PITPNM2: variants seen among roughly 807,000 people sequenced by gnomAD.
The protein encoded by PITPNM2 is membrane-associated phosphatidylinositol transfer protein 2.
Under a neutral mutation model 132.2 loss-of-function variants are expected in PITPNM2, and 35 were observed. That is an observed-to-expected ratio of 0.26 (90% CI 0.20 to 0.35). PITPNM2 has a LOEUF of 0.35. Among genes scored for constraint, PITPNM2 ranks in the 10% least tolerant of loss-of-function variants. PITPNM2 has a pLI of 1.00. For missense variants in PITPNM2, 1,332 were observed against 1,912.0 expected (o/e 0.70, Z 5.66); for synonymous variants, 738 against 799.2 (o/e 0.92, Z 1.29).
intron 18 of PITPNM2, among the ~76,000 whole-genome samples, chr12:122,989,311 C>G (rs1373136961): frequency 1.3e-5 from 2 of 152,216 alleles, no homozygotes; most frequent in Admixed American, 1.3e-4. Context: ...AAGGGTGCTG[C>G]CCTTCTCGCA....
At chr12:123,047,098 A>G (rs926964637) in intron 2 of PITPNM2, among the ~76,000 whole-genome samples, 5 of 152,194 alleles carry the variant, frequency 3.3e-5, no homozygotes, top group African/African-American at 1.2e-4. Context: ...CCATTTTTGG[A>G]AGAAATGAAA....
chr12:123,070,558 T>G (rs573513844), intron 2 of PITPNM2, among the ~76,000 whole-genome samples: 126 of 152,278 alleles, frequency 8.3e-4, no homozygotes, highest in African/African-American at 2.6e-3. Flanking sequence ...ACGCTGAGTC[T>G]GGGAAGCAGG....
intron 2 of PITPNM2, among the ~76,000 whole-genome samples, chr12:123,079,012 A>G (rs1439089640): frequency 1.3e-5 from 2 of 152,196 alleles, no homozygotes; most frequent in Admixed American, 6.5e-5. Flanking sequence ...TATTACAGAC[A>G]GAGATGATAC....
rs370984328 is a variant in PITPNM2, at chr12:122,994,755, G to A, written c.2233+46C>T. The A allele has an allele frequency of 1.7e-5, 25 of 1,506,514 alleles. No individual in the cohort carries two copies. The highest frequency in any genetic ancestry group is 4.1e-5 in the African/African-American group (3 of 72,632). The allele number at this position is 1,506,514 out of a possible 1,614,324, so 93.3% of individuals were successfully genotyped here. On this transcript the variant is annotated intron_variant, in intron 15 of 25. Coordinates refer to ENST00000320201, the MANE Select transcript of PITPNM2 (RefSeq NM_020845.3). The surrounding 1 kb of genome is among the most constrained non-coding windows in gnomAD (Gnocchi z 5.4). ...GGGGTCCACTGAGACCCCCGCCCCC[G>A]CACCCAGTGCATGTACCCCCCATCC... is the stretch of plus-strand genomic sequence containing the variant.
At chr12:123,029,339 A>G (rs969648135) in intron 3 of PITPNM2, among the ~76,000 whole-genome samples, 2 of 152,242 alleles carry the variant, frequency 1.3e-5, no homozygotes, top group Admixed American at 6.5e-5. Context: ...CTGTAATCCC[A>G]GCACTTTGGG....
intron 2 of PITPNM2, among the ~76,000 whole-genome samples, chr12:123,062,712 A>G (rs1331337152): frequency 6.6e-6 from 1 of 152,228 alleles, no homozygotes; most frequent in Admixed American, 6.5e-5. Context: ...TGGACTATAA[A>G]TAGCCTCACC....
Position 123,000,108 on chromosome 12 carries a change from C to T in PITPNM2, c.1224+670G>A, listed in dbSNP as rs776180197. On this transcript the variant is annotated intron_variant, in intron 10 of 25. Coordinates refer to ENST00000320201, the MANE Select transcript of PITPNM2 (RefSeq NM_020845.3). This position sits in a 1 kb window ranked among gnomAD's most constrained non-coding sequence, Gnocchi z 5.4. ...TCCCCGCCTAGATTCCCCGGGGGCC[C>T]GAGTTCCCCACAGAAGTGGTGCTGC... Among the ~76,000 whole-genome samples, 11 of 152,206 alleles carry T rather than the reference C, an allele frequency of 7.2e-5. No individual in the cohort carries two copies. Among genetic ancestry groups the T allele is most frequent in the Non-Finnish European group, 1.0e-4 (7 of 68,028 alleles).
upstream of PITPNM2, among the ~76,000 whole-genome samples, chr12:123,151,661 T>C (rs958662444): frequency 2.6e-5 from 4 of 151,884 alleles, no homozygotes; most frequent in Non-Finnish European, 2.9e-5. Flanking sequence ...TGGAAGAGGA[T>C]CACGAACAGT....
At chr12:123,138,169 C>T (rs1400186574) in intron 1 of PITPNM2, among the ~76,000 whole-genome samples, 2 of 152,002 alleles carry the variant, frequency 1.3e-5, no homozygotes, top group South Asian at 2.1e-4. Flanking sequence ...AAAAGACGGC[C>T]GGTGCAATGG....
chr12:123,144,319 T>C (rs1185656592), intron 1 of PITPNM2, among the ~76,000 whole-genome samples: 1 of 152,226 alleles, frequency 6.6e-6, no homozygotes, highest in Non-Finnish European at 1.5e-5. Flanking sequence ...AAGATGATTA[T>C]GATGTGCAGA....
intron 1 of PITPNM2, among the ~76,000 whole-genome samples, chr12:123,115,541 G>GCACACACACACGCA (rs2042920510): frequency 6.6e-6 from 1 of 151,398 alleles, no homozygotes; most frequent in African/African-American, 2.4e-5. Flanking sequence ...ATACGCGCCC[G>GCACACACACACGCA]CACACACACA....
intron 1 of PITPNM2, among the ~76,000 whole-genome samples, chr12:123,133,476 A>G (rs1461000469): frequency 6.6e-6 from 1 of 152,184 alleles, no homozygotes; most frequent in Non-Finnish European, 1.5e-5. Context: ...AATGAAGCCA[A>G]TGCACCAAAG....
intron 1 of PITPNM2, among the ~76,000 whole-genome samples, chr12:123,141,734 C>T (rs929323232): frequency 4.6e-5 from 7 of 152,158 alleles, no homozygotes; most frequent in African/African-American, 1.7e-4. Flanking sequence ...GTGAGCTGCA[C>T]GTCCCAGATT....
intron 2 of PITPNM2, among the ~76,000 whole-genome samples, chr12:123,054,668 C>T (rs1191616164): frequency 6.6e-6 from 1 of 152,208 alleles, no homozygotes; most frequent in African/African-American, 2.4e-5. Flanking sequence ...ATTTCTGTTG[C>T]ACTCAGAAAG....
chr12:122,995,545 G>C lies in PITPNM2; in HGVS notation c.1898C>G (p.Ser633Cys). ...SSGGGGSSGG[S>C]SLESSRHLSR... ...CAGGTGCCGACTGCTCTCCAGGCTG[G>C]AGCCACCACTACTGCCACCACCACC... The change falls in exon 14 of 26, where the codon TCC becomes TGC. Residue 633 changes from serine to cysteine, a missense_variant. By Grantham distance (112) the Ser-to-Cys change is moderately radical. Transcript: ENST00000320201. 6.2e-7 allele frequency: 1 copy of C among 1,610,458 alleles called. No homozygotes were observed. The highest frequency in any genetic ancestry group is 8.5e-7 in the Non-Finnish European group (1 of 1,179,880).
intron 18 of PITPNM2, 57 bp from the exon 19 acceptor site, chr12:122,988,929 A>G (rs1375945465): frequency 2.0e-6 from 3 of 1,477,304 alleles, no homozygotes; most frequent in Non-Finnish European, 2.7e-6. Context: ...AGGGACCCCG[A>G]AGGGTCACCC....
rs2039028883 is a variant in PITPNM2 at position 123,008,359 on chromosome 12, G to T, written c.643+1491C>A. Among the ~76,000 whole-genome samples, 1 of 152,222 alleles carries T rather than the reference G, an allele frequency of 6.6e-6. No homozygotes were observed. The highest frequency in any genetic ancestry group is 2.1e-4 in the South Asian group (1 of 4,836). ...GGGCTGAACCTAGAGAAGCCTTGAG[G>T]AGAGGGTGGGACGAGTCACCAGCGC... is the stretch of plus-strand genomic sequence containing the variant. On this transcript the variant is annotated intron_variant, in intron 6 of 25. Coordinates refer to ENST00000320201, the MANE Select transcript of PITPNM2 (RefSeq NM_020845.3). This position sits in a 1 kb window ranked among gnomAD's most constrained non-coding sequence, Gnocchi z 4.1.
At chr12:123,057,892 C>T (rs1211176148) in intron 2 of PITPNM2, among the ~76,000 whole-genome samples, 1 of 152,206 alleles carries the variant, frequency 6.6e-6, no homozygotes, top group Non-Finnish European at 1.5e-5. Flanking sequence ...CAGCTGCTCT[C>T]AGAGTTGGAG....
At chr12:123,145,167 C>A (rs908541738) in intron 1 of PITPNM2, among the ~76,000 whole-genome samples, 3 of 152,002 alleles carry the variant, frequency 2.0e-5, no homozygotes, top group African/African-American at 4.8e-5. Flanking sequence ...CAGAGAGAGA[C>A]CCTGTCACAA....
Sources: gnomAD v4.1 joint callset for allele counts (sites outside exome capture counted in the v4.1 genomes callset) on GRCh38, gnomAD v4.1.1 for gene constraint, Gnocchi (gnomAD v3.1) non-coding constraint, MANE v1.5 for transcripts, NCBI Gene and HGNC (gene_info 2026-07-23, HGNC 2026-07-21) for gene names.